KCTD17: variants seen among roughly 807,000 people sequenced by gnomAD.
The protein encoded by KCTD17 is potassium channel tetramerization domain containing 17, also known as BTB/POZ domain-containing protein KCTD17.
A neutral mutation model predicts 41.5 loss-of-function variants in KCTD17; 20 were observed. The ratio of observed to expected loss-of-function variants is 0.48; its 90% CI spans 0.34 to 0.70. The LOEUF (loss-of-function observed/expected upper bound fraction) is 0.70. Ranked by LOEUF, KCTD17 falls within the 30% of genes least tolerant of loss-of-function variation. KCTD17 has a pLI of 0.01. For missense variants in KCTD17, 317 were observed against 427.2 expected (o/e 0.74, Z 2.27); for synonymous variants, 156 against 173.8 (o/e 0.90, Z 0.80).
In KCTD17 at chr22:37,055,606, T is replaced by C. The variant is rs569000487; in HGVS notation, c.299-714T>C. On this transcript the variant is annotated intron_variant, in intron 2 of 8. Transcript: ENST00000403888. ...TCGCTTCACTGGTGGGCTGACTTCT[T>C]CATCTCCCAGATTAACTTAACTGTA... Among the ~76,000 whole-genome samples the C allele has an allele frequency of 1.4e-4, 22 of 152,344 alleles. No individual in the cohort carries two copies. In the East Asian group the frequency reaches 3.7e-3, roughly 25 times the overall value.
intron 2 of KCTD17, among the ~76,000 whole-genome samples, chr22:37,054,132 ACT>A (rs1479694736): frequency 2.0e-5 from 3 of 152,038 alleles, no homozygotes; most frequent in East Asian, 3.9e-4. Context: ...AGGCCCAGCA[ACT>A]CTCTAATAGG....
intron 4 of KCTD17, among the ~76,000 whole-genome samples, chr22:37,057,921 C>T (rs1234055310): frequency 6.6e-6 from 1 of 152,230 alleles, no homozygotes; most frequent in East Asian, 1.9e-4. Context: ...ACACAGTTTT[C>T]AGGGTCTCCG....
Position 37,062,377 on chromosome 22 carries a change from G to C in KCTD17, c.876-148G>C, listed in dbSNP as rs1925894964. 3.5e-6 allele frequency: 5 copies of C among 1,440,294 alleles called. No homozygotes were observed. In the South Asian group the frequency reaches 7.2e-5, roughly 21 times the overall value. 89.2% of individuals were successfully genotyped at this position (1,440,294 alleles called of 1,614,324 possible). A position where few individuals can be genotyped will look rare whatever the true frequency, so the allele number is the denominator to read the frequency against. On this transcript the variant is annotated intron_variant, in intron 8 of 8. Coordinates refer to ENST00000403888, the MANE Select transcript of KCTD17 (RefSeq NM_001282684.2). The stretch of plus-strand genomic sequence containing the variant: ...CTCAGCCCCACCCCCTCCTCCAGAA[G>C]GAAGCCTGTGACTCAACTGCCTCTC...
At position 37,060,834 on chromosome 22, in the gene KCTD17, G is replaced by A. The variant is rs557054290; in HGVS notation, c.624G>A (p.Glu208=). Residue 208 remains glutamate (E), a synonymous_variant, in exon 6 of 9, where the codon GAG becomes GAA. Coordinates refer to ENST00000403888, the MANE Select transcript of KCTD17 (RefSeq NM_001282684.2). The stretch of plus-strand genomic sequence containing the variant: ...CGGCTGGTTCACAGAGCACGGAGGA[G>A]CAGCTGGAGGAGCAGCAGCAGCAGG... The part of the protein sequence containing the change: ...ESSRKTKSTE[E]QLEEQQQQEE... 1.1e-5 allele frequency: 16 copies of A among 1,515,194 alleles called. No homozygotes were observed. Among genetic ancestry groups the A allele is most frequent in the Non-Finnish European group, 1.4e-5 (16 of 1,130,400 alleles). The allele number at this position is 1,515,194 out of a possible 1,614,324, so 93.9% of individuals were successfully genotyped here.
At chr22:37,052,146 A>C in intron 1 of KCTD17, 197 bp downstream of exon 1, 1 of 758,800 alleles carries the variant, frequency 1.3e-6, no homozygotes, top group Non-Finnish European at 1.9e-6. Context: ...TTGCCGTGGC[A>C]ACGGGACGAC....
rs1924731567 is a variant in KCTD17, at chr22:37,053,462, T to G, written c.298+254T>G. On this transcript the variant is annotated intron_variant, in intron 2 of 8. Transcript: ENST00000403888. The surrounding 1 kb of genome is among the most constrained non-coding windows in gnomAD (Gnocchi z 4.1). ...ACACATGTGCAGGGGATAGAGGAAG[T>G]CAGCGAGGCCCTGTGGCCTCTGCTG... Among the ~76,000 whole-genome samples, 1 of 152,168 alleles carries G rather than the reference T, an allele frequency of 6.6e-6. No individual in the cohort carries two copies. Among genetic ancestry groups the G allele is most frequent in the African/African-American group, 2.4e-5 (1 of 41,440 alleles).
intron 2 of KCTD17, among the ~76,000 whole-genome samples, chr22:37,054,687 A>T (rs1924888942): frequency 6.6e-6 from 1 of 152,110 alleles, no homozygotes; most frequent in South Asian, 2.1e-4. Context: ...TCATGAGGAT[A>T]AAAGGAGTTA....
chr22:37,056,197 C>T, intron 2 of KCTD17, 123 bp from the exon 3 acceptor site: 1 of 695,984 alleles, frequency 1.4e-6, no homozygotes, highest in Non-Finnish European at 2.4e-6. Context: ...AACTCACAGA[C>T]ACTCAGCTCA....
chr22:37,059,101 T>C (rs1186399039), intron 4 of KCTD17, among the ~76,000 whole-genome samples: 1 of 152,084 alleles, frequency 6.6e-6, no homozygotes, highest in African/African-American at 2.4e-5. Flanking sequence ...GAGGGGCTGG[T>C]CCTGGGGCAC....
chr22:37,060,259 G>C (rs1807910094), intron 5 of KCTD17, among the ~76,000 whole-genome samples: 1 of 152,168 alleles, frequency 6.6e-6, no homozygotes, highest in Non-Finnish European at 1.5e-5. Context: ...CTGTCTATCT[G>C]TCTGCCTCCC....
chr22:37,060,851 A>C lies in KCTD17; in HGVS notation c.641A>C (p.Gln214Pro). The C allele has an allele frequency of 6.6e-7, 1 of 1,525,796 alleles. No homozygotes were observed. The highest frequency in any genetic ancestry group is 8.8e-7 in the Non-Finnish European group (1 of 1,135,202). The allele number at this position is 1,525,796 out of a possible 1,614,324, so 94.5% of individuals were successfully genotyped here. A position where few individuals can be genotyped will look rare whatever the true frequency, so the allele number is the denominator to read the frequency against. The change falls in exon 6 of 9, where the codon CAG becomes CCG. Residue 214 changes from glutamine (Q) to proline (P), a missense_variant. This residue lies in a region of KCTD17 where 177 missense variants were observed against 194.4 expected (regional missense o/e 0.91). Transcript: ENST00000403888. The stretch of plus-strand genomic sequence containing the variant: ...ACGGAGGAGCAGCTGGAGGAGCAGC[A>C]GCAGCAGGAGGAGGAGGTGGAGGAG... ...KSTEEQLEEQ[Q>P]QQEEEVEEVE...
chr22:37,054,624 TG>T, intron 2 of KCTD17, among the ~76,000 whole-genome samples: 1 of 152,082 alleles, frequency 6.6e-6, no homozygotes, highest in East Asian at 1.9e-4. Context: ...CCTCTGTGTC[TG>T]CATGCCCCCA....
chr22:37,061,444 T>C lies in KCTD17; in HGVS notation c.785-95T>C. The C allele has an allele frequency of 6.6e-7, 1 of 1,506,372 alleles. No individual in the cohort carries two copies. The highest frequency in any genetic ancestry group is 8.9e-7 in the Non-Finnish European group (1 of 1,128,142). 93.3% of individuals were successfully genotyped at this position (1,506,372 alleles called of 1,614,324 possible). ...GCAGCTGCACCTCCTCTGTGCCCAC[T>C]AACCCTGCCGGGCACCTCTGAGACT... On this transcript the variant is annotated intron_variant, in intron 7 of 8. Transcript: ENST00000403888. The surrounding 1 kb of genome is among the most constrained non-coding windows in gnomAD (Gnocchi z 6.6).
At chr22:37,057,207 A>G (rs1043146417) in intron 3 of KCTD17, among the ~76,000 whole-genome samples, 191 bp from the exon 4 acceptor site, 14 of 152,148 alleles carry the variant, frequency 9.2e-5, no homozygotes, top group African/African-American at 3.4e-4. Flanking sequence ...ATTAAGTGAG[A>G]TGGTGCCTGG....
Position 37,057,497 on chromosome 22 carries a change from C to T in KCTD17, c.486+4C>T, listed in dbSNP as rs374873176. 2.6e-5 allele frequency: 42 copies of T among 1,608,734 alleles called. No individual in the cohort carries two copies. The highest frequency in any genetic ancestry group is 1.7e-4 in the Admixed American group (10 of 59,980). ...TGATGGCTGGCGCTTCGAGCAGGTG[C>T]GCTGGGGACAGGGGCGTGCCACCAG... On this transcript the variant is annotated splice_donor_region_variant and intron_variant, in intron 4 of 8. Coordinates refer to ENST00000403888, the MANE Select transcript of KCTD17 (RefSeq NM_001282684.2).
At chr22:37,062,376 A>C in intron 8 of KCTD17, 149 bp from the exon 9 acceptor site, 3 of 1,448,860 alleles carry the variant, frequency 2.1e-6, no homozygotes, top group Non-Finnish European at 1.8e-6. Flanking sequence ...CTCCTCCAGA[A>C]GGAAGCCTGT....
rs560412250 is a variant in KCTD17 at position 37,051,871 on chromosome 22, C to G, written c.111C>G (p.Thr37=). 9 of 1,491,604 alleles carry G rather than the reference C, an allele frequency of 6.0e-6. No homozygotes were observed. The African/African-American group carries it at 1.3e-4, about 22-fold the overall frequency. The allele number at this position is 1,491,604 out of a possible 1,614,324, so 92.4% of individuals were successfully genotyped here. ...RLNVGGTVFL[T]TRQTLCREQK... ...ACGTGGGGGGCACGGTGTTCCTGACCACCCGGCAGACGCTGTGCCGCGAGC... is the reference window on the plus strand; with the variant it reads ...ACGTGGGGGGCACGGTGTTCCTGACGACCCGGCAGACGCTGTGCCGCGAGC... Residue 37 remains threonine, a synonymous_variant, in exon 1 of 9, where the codon ACC becomes ACG. Coordinates refer to ENST00000403888, the MANE Select transcript of KCTD17 (RefSeq NM_001282684.2).
chr22:37,051,983 T>TG (rs1924538544), intron 1 of KCTD17, 34 bp downstream of exon 1: 12 of 1,390,286 alleles, frequency 8.6e-6, no homozygotes, highest in Non-Finnish European at 1.1e-5. Flanking sequence ...GAGCGGGCGG[T>TG]GGGTCCTCCG....
rs368081178 is a variant in KCTD17 at position 37,061,497 on chromosome 22, C to G, written c.785-42C>G. 5.1e-5 allele frequency: 80 copies of G among 1,577,838 alleles called. No individual in the cohort carries two copies. The highest frequency in any genetic ancestry group is 6.6e-5 in the Non-Finnish European group (77 of 1,167,548). On this transcript the variant is annotated intron_variant, in intron 7 of 8. Transcript: ENST00000403888. The surrounding 1 kb of genome is among the most constrained non-coding windows in gnomAD (Gnocchi z 6.6). Reference sequence around the variant, plus strand: ...GCCCTGGCTGCAGGCCCTGCCCCCCCTCCTCTCCTCCCGGCCTCCTCCTCA... The same window carrying G: ...GCCCTGGCTGCAGGCCCTGCCCCCCGTCCTCTCCTCCCGGCCTCCTCCTCA...
Sources: allele counts gnomAD v4.1 joint callset (sites outside exome capture counted in the v4.1 genomes callset), GRCh38; gene constraint gnomAD v4.1.1; regional missense constraint gnomAD v4.1.1; non-coding constraint Gnocchi (gnomAD v3.1); transcripts MANE v1.5; gene names NCBI Gene and HGNC (gene_info 2026-07-23, HGNC 2026-07-21).